Variants in DOCK2 observed in about 807,000 individuals in gnomAD.
DOCK2 encodes dedicator of cytokinesis 2.
Under a neutral mutation model 248.9 loss-of-function variants are expected in DOCK2, and 87 were observed. The observed-to-expected ratio is 0.35, with a 90% CI of 0.29 to 0.42. The LOEUF (loss-of-function observed/expected upper bound fraction) is 0.42. DOCK2 is among the 10% of genes least tolerant of loss of function. The probability of loss-of-function intolerance (pLI) is 1.00; values close to 1 mark genes in which losing one functional copy is unlikely to be tolerated. For missense variants in DOCK2, 1,747 were observed against 2,300.2 expected, an observed-to-expected ratio of 0.76 and a Z score of 4.92; for synonymous variants, 805 against 821.6, an observed-to-expected ratio of 0.98 and a Z score of 0.35.
At chr5:169,934,857 A>G (rs1449594798) in intron 27 of DOCK2, 4 of 379,328 alleles carry the variant, frequency 1.1e-5, no homozygotes, top group Non-Finnish European at 2.1e-5. Flanking sequence ...AAAGCATTAT[A>G]CATTGCCAAA....
chr5:170,019,813 G>A (rs1308048276), intron 33 of DOCK2, among the ~76,000 whole-genome samples: 1 of 152,032 alleles, frequency 6.6e-6, no homozygotes, highest in Non-Finnish European at 1.5e-5. Context: ...TGTTTAGGAA[G>A]GTTGGTCTTT....
At chr5:169,976,243 C>T (rs995126581) in intron 27 of DOCK2, among the ~76,000 whole-genome samples, 2 of 152,124 alleles carry the variant, frequency 1.3e-5, no homozygotes, top group African/African-American at 2.4e-5. Flanking sequence ...ATGTGGAAGA[C>T]GTGGCGGGTT....
intron 14 of DOCK2, among the ~76,000 whole-genome samples, chr5:169,705,167 A>G (rs542126270): frequency 5.3e-5 from 8 of 152,166 alleles, no homozygotes; most frequent in African/African-American, 1.7e-4. Flanking sequence ...TTTCTCAACA[A>G]ACAGACAAAA....
At chr5:169,820,734 A>G (rs1019948947) in intron 26 of DOCK2, among the ~76,000 whole-genome samples, 4 of 152,254 alleles carry the variant, frequency 2.6e-5, no homozygotes, top group Admixed American at 6.5e-5. Context: ...AAAGGAAAGC[A>G]GCTCCTCACC....
intron 27 of DOCK2, among the ~76,000 whole-genome samples, chr5:169,912,395 G>A (rs891276526): frequency 1.3e-5 from 2 of 152,088 alleles, no homozygotes; most frequent in African/African-American, 4.8e-5. Context: ...TGGCTTTCAG[G>A]ATTGTTGCTC....
intron 20 of DOCK2, among the ~76,000 whole-genome samples, chr5:169,716,753 G>T (rs1013609896): frequency 2.0e-5 from 3 of 152,000 alleles, no homozygotes; most frequent in African/African-American, 7.2e-5. Context: ...GTACCATCCA[G>T]ATCTTCCTTC....
intron 23 of DOCK2, among the ~76,000 whole-genome samples, chr5:169,752,335 G>C (rs1051839905): frequency 3.3e-5 from 5 of 152,272 alleles, no homozygotes; most frequent in Admixed American, 3.3e-4. Flanking sequence ...TGCTAATGAA[G>C]CCCCTGGAGT....
chr5:169,759,839 G>A, intron 24 of DOCK2, 64 bp downstream of exon 24: 1 of 1,585,838 alleles, frequency 6.3e-7, no homozygotes, highest in Non-Finnish European at 8.7e-7. Flanking sequence ...AGTGGGAGGA[G>A]GGCTCTTATG....
In DOCK2 at chr5:169,712,194, G is replaced by A. The variant is rs1761628265; in HGVS notation, c.1630G>A (p.Asp544Asn). 8 of 1,614,086 alleles carry A rather than the reference G, an allele frequency of 5.0e-6. No homozygotes were observed. Among genetic ancestry groups the A allele is most frequent in the Non-Finnish European group, 6.8e-6 (8 of 1,179,928 alleles). ...GAAAGAAGATGGGACTACTCTACAC[G>A]ATGGATTCCATGACTTAGTTGTCCT... ...LMKEDGTTLH[D>N]GFHDLVVLKG... The change falls in exon 17 of 52, where the codon GAT (aspartate) becomes AAT (asparagine). Residue 544 changes from aspartate to asparagine, a missense_variant. Coordinates refer to ENST00000520908, the MANE Select transcript of DOCK2 (RefSeq NM_004946.3).
At chr5:169,661,259 G>T (rs993405077) in intron 2 of DOCK2, among the ~76,000 whole-genome samples, 8 of 152,264 alleles carry the variant, frequency 5.3e-5, no homozygotes, top group African/African-American at 1.9e-4. Flanking sequence ...CAGTTAAGTA[G>T]CAGATCTCCA....
intron 27 of DOCK2, among the ~76,000 whole-genome samples, chr5:169,890,200 A>G (rs957781413): frequency 6.6e-6 from 1 of 152,282 alleles, no homozygotes; most frequent in Admixed American, 6.5e-5. Flanking sequence ...CAGACATCTA[A>G]TTACTTTATG....
chr5:169,896,455 G>C (rs370783856), intron 27 of DOCK2, among the ~76,000 whole-genome samples: 1 of 152,066 alleles, frequency 6.6e-6, no homozygotes, highest in African/African-American at 2.4e-5. Context: ...AACCTCTCTG[G>C]GCTATGATTT....
chr5:169,649,829 C>T (rs11740661), intron 1 of DOCK2, among the ~76,000 whole-genome samples: 4,703 of 150,558 alleles, frequency 0.031, 102 homozygotes, highest in Middle Eastern at 0.078. Context: ...TTTTTGCCGG[C>T]GTCTTGCTCT....
chr5:169,822,750 G>T (rs976230353), intron 26 of DOCK2, among the ~76,000 whole-genome samples: 13 of 152,064 alleles, frequency 8.5e-5, no homozygotes, highest in South Asian at 2.1e-4. Flanking sequence ...CTAGCAGAAG[G>T]CAAGAAATAA....
chr5:169,810,475 G>A (rs746593352), intron 26 of DOCK2, among the ~76,000 whole-genome samples: 33 of 152,330 alleles, frequency 2.2e-4, no homozygotes, highest in Non-Finnish European at 4.1e-4. Context: ...AAAGACAGAA[G>A]GAGCTCTCTT....
chr5:169,906,857 G>A (rs186404949), intron 27 of DOCK2, among the ~76,000 whole-genome samples: 4 of 152,300 alleles, frequency 2.6e-5, no homozygotes, highest in Admixed American at 6.5e-5. Context: ...ACTGCTAGCC[G>A]CCTCTGTCCT....
intron 27 of DOCK2, among the ~76,000 whole-genome samples, chr5:169,948,840 T>C (rs1776547938): frequency 6.6e-6 from 1 of 152,100 alleles, no homozygotes; most frequent in South Asian, 2.1e-4. Flanking sequence ...TCTTTTTTTT[T>C]TCTTCAGCTC....
chr5:169,767,440 C>A (rs185532), intron 25 of DOCK2, among the ~76,000 whole-genome samples: 28,637 of 152,090 alleles, frequency 0.19, 3,750 homozygotes, highest in Admixed American at 0.33. Context: ...TGGTGATCTT[C>A]TTTAACATCT....
intron 32 of DOCK2, among the ~76,000 whole-genome samples, chr5:170,015,438 C>T (rs13176419): frequency 0.45 from 68,185 of 151,834 alleles, 15,579 homozygotes; most frequent in East Asian, 0.55. Context: ...AAGTCCTGAA[C>T]AATGAGGAGA....
Sources: allele counts gnomAD v4.1 joint callset (sites outside exome capture counted in the v4.1 genomes callset), GRCh38; gene constraint gnomAD v4.1.1; transcripts MANE v1.5; gene names NCBI Gene and HGNC (gene_info 2026-07-23, HGNC 2026-07-21).